PCLO: variants seen among roughly 807,000 people sequenced by gnomAD.
PCLO encodes protein piccolo.
In PCLO, 82 loss-of-function variants were observed where a neutral mutation model predicts 427.5. That is an observed-to-expected ratio of 0.19 (90% CI 0.16 to 0.23). The LOEUF (loss-of-function observed/expected upper bound fraction) is 0.23. PCLO is among the 10% of genes least tolerant of loss of function. PCLO has a pLI of 1.00. For missense variants in PCLO, 6,239 were observed against 6,115.9 expected (o/e 1.02, Z -0.67); for synonymous variants, 2,357 against 2,155.4 (o/e 1.09, Z -2.59).
chr7:83,092,515 C>T (rs1030804286), intron 3 of PCLO, among the ~76,000 whole-genome samples: 6 of 152,044 alleles, frequency 3.9e-5, no homozygotes, highest in African/African-American at 1.2e-4. Context: ...CCAAATCTAC[C>T]GTCAGAATCA....
intron 10 of PCLO, among the ~76,000 whole-genome samples, chr7:82,865,545 A>T (rs1221312002): frequency 6.6e-6 from 1 of 152,058 alleles, no homozygotes; most frequent in Middle Eastern, 3.2e-3. Context: ...TATATGGTAT[A>T]TTTCCTACTA....
chr7:83,092,679 G>A (rs1319156339), intron 3 of PCLO, among the ~76,000 whole-genome samples: 2 of 152,116 alleles, frequency 1.3e-5, no homozygotes, highest in Non-Finnish European at 2.9e-5. Flanking sequence ...GCCAGGCACG[G>A]TGGCTCATGC....
intron 3 of PCLO, among the ~76,000 whole-genome samples, chr7:82,989,900 G>C (rs753011408): frequency 2.8e-4 from 42 of 152,128 alleles, no homozygotes; most frequent in Non-Finnish European, 5.9e-4. Flanking sequence ...CCATTAAGGA[G>C]ATTATGTTTT....
chr7:83,054,661 G>T (rs1015962844), intron 3 of PCLO, among the ~76,000 whole-genome samples: 1 of 152,070 alleles, frequency 6.6e-6, no homozygotes, highest in South Asian at 2.1e-4. Context: ...CATCATCAAG[G>T]TCAAAATTTA....
intron 3 of PCLO, among the ~76,000 whole-genome samples, chr7:83,086,107 C>CT (rs1039065617): frequency 2.7e-5 from 3 of 110,018 alleles, no homozygotes; most frequent in South Asian, 3.1e-4. Flanking sequence ...TCTTTCTTTC[C>CT]TTTTTTTTTC....
Position 83,120,720 on chromosome 7 carries a change from T to C in PCLO, c.3300+13530A>G, listed in dbSNP as rs532240638. Reference sequence around the variant, plus strand: ...TAAAGCACTGAGAAAACTTTTATTGTAGAATATTATATCCAGCAAAAATGA... The same window carrying C: ...TAAAGCACTGAGAAAACTTTTATTGCAGAATATTATATCCAGCAAAAATGA... On this transcript the variant is annotated intron_variant, in intron 3 of 24. Coordinates refer to ENST00000333891, the MANE Select transcript of PCLO (RefSeq NM_033026.6). Among the ~76,000 whole-genome samples, 5 of 152,218 alleles carry C rather than the reference T, an allele frequency of 3.3e-5. No individual in the cohort carries two copies. In the South Asian group the frequency reaches 1.0e-3, roughly 32 times the overall value.
chr7:82,869,091 A>T (rs1228324707), intron 10 of PCLO, among the ~76,000 whole-genome samples: 1 of 152,080 alleles, frequency 6.6e-6, no homozygotes, highest in Non-Finnish European at 1.5e-5. Flanking sequence ...TAGTTCAAAA[A>T]ATCCAGTGAT....
At chr7:82,914,573 CA>C in intron 7 of PCLO, 112 bp downstream of exon 7, 3 of 1,031,154 alleles carry the variant, frequency 2.9e-6, no homozygotes, top group Non-Finnish European at 4.4e-6. Flanking sequence ...AGTAAACATG[CA>C]AAAGACACAC....
intron 3 of PCLO, among the ~76,000 whole-genome samples, chr7:82,981,745 C>G (rs74343634): frequency 6.6e-6 from 1 of 152,150 alleles, no homozygotes; most frequent in Admixed American, 6.6e-5. Flanking sequence ...ATTGCTTCAT[C>G]TTTACGTAAT....
intron 3 of PCLO, among the ~76,000 whole-genome samples, chr7:83,126,123 C>T (rs369047290): frequency 3.3e-5 from 5 of 151,990 alleles, no homozygotes; most frequent in Admixed American, 6.5e-5. Flanking sequence ...AAGCCAGTCA[C>T]GGAAAGACAA....
chr7:83,150,135 G>C (rs1460830554), intron 2 of PCLO, among the ~76,000 whole-genome samples: 1 of 152,142 alleles, frequency 6.6e-6, no homozygotes, highest in Non-Finnish European at 1.5e-5. Flanking sequence ...AAACATTAGG[G>C]ACAGGCCTTT....
intron 3 of PCLO, among the ~76,000 whole-genome samples, chr7:83,105,082 C>T (rs1790821799): frequency 6.6e-6 from 1 of 152,064 alleles, no homozygotes; most frequent in Non-Finnish European, 1.5e-5. Context: ...TTAAACTAAG[C>T]AAACATTGAC....
At position 82,948,050 on chromosome 7, in the gene PCLO, C is replaced by T. The variant is rs552688802; in HGVS notation, c.11112+1426G>A. Among the ~76,000 whole-genome samples the T allele has an allele frequency of 7.2e-5, 11 of 152,170 alleles. 1 individual carries two copies. The East Asian group carries it at 2.1e-3, about 29-fold the overall frequency. On this transcript the variant is annotated intron_variant, in intron 6 of 24. Coordinates refer to ENST00000333891, the MANE Select transcript of PCLO (RefSeq NM_033026.6). ...AAAAATCATATTTCAAAGTTGTTCA[C>T]ATAACTCTTTAAGTGAATTTCTAGG...
chr7:83,008,850 A>C (rs1788010350), intron 3 of PCLO, among the ~76,000 whole-genome samples: 1 of 151,710 alleles, frequency 6.6e-6, no homozygotes, highest in African/African-American at 2.4e-5. Flanking sequence ...ATGTATGTAT[A>C]ATGATACATT....
At position 82,950,097 on chromosome 7, in the gene PCLO, A is replaced by G. The variant is rs967429408; in HGVS notation, c.10491T>C (p.Tyr3497=). 1.2e-5 allele frequency: 19 copies of G among 1,592,614 alleles called. No individual in the cohort carries two copies. The highest frequency in any genetic ancestry group is 2.9e-5 in the African/African-American group (2 of 68,346). ...RSRRKARVGK[Y]GDSMTEADKT... Reference sequence around the variant, plus strand: ...TGTCAGCCTCTGTCATGCTGTCACCATATTTCCCTACACGAGCTTTCCTCC... The same window carrying G: ...TGTCAGCCTCTGTCATGCTGTCACCGTATTTCCCTACACGAGCTTTCCTCC... Residue 3497 remains tyrosine, a synonymous_variant, in exon 6 of 25, where the codon TAT becomes TAC. Coordinates refer to ENST00000333891, the MANE Select transcript of PCLO (RefSeq NM_033026.6).
intron 22 of PCLO, among the ~76,000 whole-genome samples, chr7:82,790,244 T>C (rs1385254984): frequency 6.6e-6 from 1 of 152,182 alleles, no homozygotes; most frequent in African/African-American, 2.4e-5. Flanking sequence ...AAAATCAATC[T>C]ATATCTTCCA....
intron 21 of PCLO, among the ~76,000 whole-genome samples, chr7:82,802,094 G>C (rs978256704): frequency 6.7e-6 from 1 of 150,336 alleles, no homozygotes; most frequent in Non-Finnish European, 1.5e-5. Context: ...ACTCCTTTCT[G>C]TGTTTTCCAC....
Position 83,155,006 on chromosome 7 carries a change from G to A in PCLO, c.1635C>T (p.Ser545=). The stretch of plus-strand genomic sequence containing the variant: ...ATTGCTGAGCCGAGGGCTTTGCTGG[G>A]CTAGGCTGTTGAGCTGAGGGTTTTG... ...GSAKPSAQQP[S]PAKPSAQQST... Residue 545 remains serine, a synonymous_variant, in exon 2 of 25, where the codon AGC becomes AGT. Transcript: ENST00000333891. 2 of 1,613,962 alleles carry A rather than the reference G, an allele frequency of 1.2e-6. No homozygotes were observed. Among genetic ancestry groups the A allele is most frequent in the Non-Finnish European group, 1.7e-6 (2 of 1,179,878 alleles).
chr7:83,051,270 T>C (rs1789247492), intron 3 of PCLO, among the ~76,000 whole-genome samples: 3 of 147,758 alleles, frequency 2.0e-5, no homozygotes, highest in South Asian at 2.2e-4. Context: ...ACAAAACTGA[T>C]TGTTCACAGA....
Sources: allele counts gnomAD v4.1 joint callset (sites outside exome capture counted in the v4.1 genomes callset), GRCh38; gene constraint gnomAD v4.1.1; transcripts MANE v1.5; gene names NCBI Gene and HGNC (gene_info 2026-07-23, HGNC 2026-07-21).